PRKN: variants seen among roughly 807,000 people sequenced by gnomAD.
The protein encoded by PRKN is E3 ubiquitin-protein ligase parkin.
A neutral mutation model predicts 59.5 loss-of-function variants in PRKN; 56 were observed. The ratio of observed to expected loss-of-function variants is 0.94; its 90% CI spans 0.76 to 1.18. The LOEUF (loss-of-function observed/expected upper bound fraction) is 1.18, where lower values mean the gene tolerates loss of function less well. PRKN is among the 50% of genes most tolerant of loss of function. The pLI, the probability that PRKN is intolerant of heterozygous loss-of-function variation, is 0.00. For missense variants in PRKN, 657 were observed against 596.4 expected (o/e 1.10, Z -1.06); for synonymous variants, 250 against 222.1 (o/e 1.13, Z -1.12).
chr6:161,847,100 G>C (rs1246101316), intron 6 of PRKN, among the ~76,000 whole-genome samples: 2 of 152,160 alleles, frequency 1.3e-5, no homozygotes, highest in African/African-American at 4.8e-5. Flanking sequence ...AAGAGGTCAA[G>C]AGATCGAGAT....
At chr6:162,597,986 A>G (rs1781557913) in intron 1 of PRKN, among the ~76,000 whole-genome samples, 1 of 152,190 alleles carries the variant, frequency 6.6e-6, no homozygotes, top group Non-Finnish European at 1.5e-5. Context: ...ACAAAAAACA[A>G]GTTTTTATCT....
At position 162,648,661 on chromosome 6, in the gene PRKN, C is replaced by T. The variant is rs191477322; in HGVS notation, c.7+79001G>A. ...CCTCCCAAAGTGCTGGGATTACAGGCGTGAGCCACGACAGCCGGCCAGTGT... is the reference window on the plus strand; with the variant it reads ...CCTCCCAAAGTGCTGGGATTACAGGTGTGAGCCACGACAGCCGGCCAGTGT... On this transcript the variant is annotated intron_variant, in intron 1 of 11. Coordinates refer to ENST00000366898, the MANE Select transcript of PRKN (RefSeq NM_004562.3). Among the ~76,000 whole-genome samples the T allele has an allele frequency of 7.0e-4, 106 of 152,278 alleles. No homozygotes were observed. The East Asian group carries it at 9.9e-3, about 14-fold the overall frequency.
At chr6:162,572,882 G>T (rs913533254) in intron 1 of PRKN, among the ~76,000 whole-genome samples, 1 of 143,732 alleles carries the variant, frequency 7.0e-6, no homozygotes, top group Non-Finnish European at 1.5e-5. Context: ...ACCCCCTGGG[G>T]CTCTTCCCTT....
intron 5 of PRKN, among the ~76,000 whole-genome samples, chr6:162,026,144 G>A (rs1783426042): frequency 6.8e-6 from 1 of 147,634 alleles, no homozygotes; most frequent in South Asian, 2.3e-4. Context: ...TCAGTGAATT[G>A]CTTTGAAATA....
At position 161,347,513 on chromosome 6, in the gene PRKN, T is replaced by C. The variant is rs181634778; in HGVS notation, c.*2586A>G. On this transcript the variant is annotated 3_prime_UTR_variant, in exon 12 of 12. Transcript: ENST00000366898. ...AAAAACAGACTTTTTCTGCAAAGAC[T>C]TTATTTCTATTTTTTGATACATTCA... 2.0e-5 allele frequency: 3 copies of C among 152,288 alleles called. No homozygotes were observed. In the East Asian group the frequency reaches 5.8e-4, roughly 29 times the overall value. 9.4% of individuals were successfully genotyped at this position (152,288 alleles called of 1,614,324 possible).
chr6:162,341,310 G>T (rs1784168057), intron 2 of PRKN, among the ~76,000 whole-genome samples: 1 of 152,152 alleles, frequency 6.6e-6, no homozygotes, highest in Non-Finnish European at 1.5e-5. Context: ...CTATTGGTGG[G>T]AGTGTAAATT....
chr6:161,841,516 AT>A (rs1455740002), intron 6 of PRKN, among the ~76,000 whole-genome samples: 1 of 151,812 alleles, frequency 6.6e-6, no homozygotes, highest in African/African-American at 2.4e-5. Flanking sequence ...CGCCCAGCTA[AT>A]TTTTGTATTT....
chr6:162,439,756 A>C (rs1470429603), intron 2 of PRKN, among the ~76,000 whole-genome samples: 1 of 152,156 alleles, frequency 6.6e-6, no homozygotes, highest in East Asian at 1.9e-4. Context: ...CTTCTACTTA[A>C]TGAATAGTAA....
intron 1 of PRKN, among the ~76,000 whole-genome samples, chr6:162,547,553 G>A (rs959379608): frequency 7.1e-6 from 1 of 141,326 alleles, no homozygotes; most frequent in African/African-American, 2.5e-5. Context: ...AAATTAAGCA[G>A]CGCTCCCAAT....
In PRKN at chr6:161,777,425, C is replaced by T. The variant is rs181015080; in HGVS notation, c.871+8347G>A. Among the ~76,000 whole-genome samples, 1,138 of 151,784 alleles carry T rather than the reference C, an allele frequency of 7.5e-3. 9 individuals are homozygous for T. The highest frequency in any genetic ancestry group is 0.02 in the Middle Eastern group (6 of 294). ...AAAAGATTGGTTCATTGTTGCCTGG[C>T]CATACCTTGAAGAATGTATAAGGTG... On this transcript the variant is annotated intron_variant, in intron 7 of 11. Transcript: ENST00000366898.
At chr6:162,717,034 G>A (rs1778756657) in intron 1 of PRKN, among the ~76,000 whole-genome samples, 2 of 152,164 alleles carry the variant, frequency 1.3e-5, no homozygotes, top group Non-Finnish European at 2.9e-5. Flanking sequence ...TGTGATTAAG[G>A]ATCTGGAGAC....
At chr6:162,127,736 T>C (rs551482508) in intron 4 of PRKN, among the ~76,000 whole-genome samples, 11 of 152,192 alleles carry the variant, frequency 7.2e-5, no homozygotes, top group Admixed American at 5.9e-4. Context: ...CTTCACTACA[T>C]AAAAAGGCAA....
chr6:162,238,019 C>T (rs1778813885), intron 3 of PRKN, among the ~76,000 whole-genome samples: 2 of 152,110 alleles, frequency 1.3e-5, no homozygotes, highest in South Asian at 4.1e-4. Context: ...ATTGTAGTTG[C>T]ACTCCTCTCA....
intron 7 of PRKN, among the ~76,000 whole-genome samples, chr6:161,626,242 C>T (rs992601190): frequency 6.6e-6 from 1 of 152,082 alleles, no homozygotes; most frequent in Non-Finnish European, 1.5e-5. Flanking sequence ...ACTGGCTGTG[C>T]GGCTGTTAGG....
chr6:162,280,949 T>C (rs1554294937), intron 2 of PRKN, among the ~76,000 whole-genome samples: 1 of 151,444 alleles, frequency 6.6e-6, no homozygotes, highest in Non-Finnish European at 1.5e-5. Flanking sequence ...TATGCAACCA[T>C]AAAAAAGAAT....
At chr6:161,540,552 T>A (rs1179103541) in intron 9 of PRKN, among the ~76,000 whole-genome samples, 1 of 152,198 alleles carries the variant, frequency 6.6e-6, no homozygotes, top group Non-Finnish European at 1.5e-5. Context: ...TCTACAGAAA[T>A]GAACTATTGT....
At chr6:161,430,586 CG>C (rs1442159374) in intron 9 of PRKN, among the ~76,000 whole-genome samples, 4 of 151,932 alleles carry the variant, frequency 2.6e-5, no homozygotes, top group African/African-American at 9.7e-5. Context: ...GGGGCCGAGG[CG>C]GGTGGATCAC....
intron 7 of PRKN, among the ~76,000 whole-genome samples, chr6:161,684,895 C>A (rs948862908): frequency 1.3e-5 from 2 of 152,018 alleles, no homozygotes; most frequent in Admixed American, 1.3e-4. Flanking sequence ...CCATGCATCT[C>A]TTACACCACA....
intron 6 of PRKN, among the ~76,000 whole-genome samples, chr6:161,840,161 T>C (rs377417427): frequency 6.6e-6 from 1 of 152,224 alleles, no homozygotes; most frequent in African/African-American, 2.4e-5. Flanking sequence ...AGCAAGCTCA[T>C]GTCTAAAGAA....
Sources: gnomAD v4.1 joint callset for allele counts (sites outside exome capture counted in the v4.1 genomes callset) on GRCh38, gnomAD v4.1.1 for gene constraint, MANE v1.5 for transcripts, NCBI Gene and HGNC (gene_info 2026-07-23, HGNC 2026-07-21) for gene names.